Variants in MCM10 observed in about 807,000 individuals in gnomAD.
MCM10 encodes the protein protein MCM10 homolog.
In MCM10, 91 loss-of-function variants were observed where a neutral mutation model predicts 109.9. The observed-to-expected ratio is 0.83, with a 90% CI of 0.70 to 0.99. MCM10 has a LOEUF of 0.99. Ranked by LOEUF, MCM10 falls within the 50% of genes least tolerant of loss-of-function variation. MCM10 has a pLI of 0.00. For missense variants in MCM10, 1,077 were observed against 1,061.2 expected (o/e 1.01, Z -0.21); for synonymous variants, 380 against 387.2 (o/e 0.98, Z 0.22).
In MCM10 at chr10:13,197,653, G is replaced by A. The variant is rs1834439320; in HGVS notation, c.2005G>A (p.Gly669Ser). The A allele has an allele frequency of 1.7e-5, 27 of 1,613,854 alleles. No homozygotes were observed. The highest frequency in any genetic ancestry group is 2.3e-5 in the Non-Finnish European group (27 of 1,179,934). ...LAAITKLRAK[G>S]QVLTKTNPNS... is the part of the protein sequence containing the mutation. ...TGCTATCACCAAATTAAGGGCAAAAGGCCAGGTTCTTACAAAAACAAACCC... is the reference window on the plus strand; with the variant it reads ...TGCTATCACCAAATTAAGGGCAAAAAGCCAGGTTCTTACAAAAACAAACCC... Residue 669 changes from glycine (G) to serine (S), a missense_variant, in exon 15 of 20, where the codon GGC (glycine) becomes AGC (serine). Gly to Ser is a moderately conservative substitution (Grantham distance 56). Transcript: ENST00000378714.
intron 2 of MCM10, 151 bp downstream of exon 2, chr10:13,164,360 A>G (rs957946528): frequency 1.7e-6 from 1 of 604,546 alleles, no homozygotes; most frequent in African/African-American, 1.9e-5. Flanking sequence ...CACATCTCAC[A>G]GAGGTCACTG....
At position 13,172,662 on chromosome 10, in the gene MCM10, A is replaced by C; in HGVS notation, c.489A>C (p.Arg163Ser). ...CCCGGCCACCTCTTAAGGAGAGGAG[A>C]GTTCAGAGAATTCAGGAGTCAACAT... ...KSPRPPLKER[R>S]VQRIQESTCF... The change falls in exon 5 of 20, where the codon AGA becomes AGC. Residue 163 changes from arginine (R) to serine (S), a missense_variant. Transcript: ENST00000378714. The surrounding 1 kb of genome is among the most constrained non-coding windows in gnomAD (Gnocchi z 5.2). The C allele has an allele frequency of 6.2e-7, 1 of 1,614,136 alleles. No individual in the cohort carries two copies. Among genetic ancestry groups the C allele is most frequent in the Non-Finnish European group, 8.5e-7 (1 of 1,180,008 alleles).
rs1834637339 is a variant in MCM10 at position 13,209,996 on chromosome 10, C to T, written c.*686C>T. On this transcript the variant is annotated 3_prime_UTR_variant, in exon 20 of 20. Coordinates refer to ENST00000378714, the MANE Select transcript of MCM10 (RefSeq NM_018518.5). ...TATAGAGAGAAAGAAGGTGTCTGCT[C>T]TTACATTATTGTGGAGCCCTGTGAT... The T allele has an allele frequency of 1.3e-5, 2 of 151,946 alleles. No homozygotes were observed. The highest frequency in any genetic ancestry group is 2.4e-5 in the African/African-American group (1 of 41,350). 9.4% of individuals were successfully genotyped at this position (151,946 alleles called of 1,614,324 possible). A position where few individuals can be genotyped will look rare whatever the true frequency, so the allele number is the denominator to read the frequency against.
intron 2 of MCM10, among the ~76,000 whole-genome samples, chr10:13,165,602 C>T (rs745798553): frequency 2.0e-5 from 3 of 152,052 alleles, no homozygotes; most frequent in African/African-American, 2.4e-5. Flanking sequence ...AGGCTGGGTG[C>T]GGTGGCTCAT....
At position 13,182,929 on chromosome 10, in the gene MCM10, C is replaced by T. The variant is rs760833663; in HGVS notation, c.931-4C>T. 3.7e-6 allele frequency: 6 copies of T among 1,608,460 alleles called. No individual in the cohort carries two copies. The East Asian group carries it at 1.3e-4, about 36-fold the overall frequency. Reference sequence around the variant, plus strand: ...AAATTATAAAAAATAACTATTTGTTCCAGGGAAAAACCTTCAGCATATGGA... The same window carrying T: ...AAATTATAAAAAATAACTATTTGTTTCAGGGAAAAACCTTCAGCATATGGA... On this transcript the variant is annotated splice_polypyrimidine_tract_variant and splice_region_variant and intron_variant, in intron 7 of 19. Transcript: ENST00000378714. This position sits in a 1 kb window ranked among gnomAD's most constrained non-coding sequence, Gnocchi z 4.2.
intron 13 of MCM10, among the ~76,000 whole-genome samples, chr10:13,193,866 G>A (rs994787270): frequency 3.3e-5 from 5 of 152,118 alleles, no homozygotes; most frequent in East Asian, 1.9e-4. Flanking sequence ...TTATCTTTGC[G>A]TAGGATTTGA....
intron 8 of MCM10, among the ~76,000 whole-genome samples, chr10:13,184,822 C>T (rs1410385713): frequency 1.3e-5 from 2 of 152,192 alleles, no homozygotes; most frequent in South Asian, 2.1e-4. Flanking sequence ...CTAGCCATCA[C>T]TGTGAATTGG....
At chr10:13,207,706 G>T (rs150262860) in intron 18 of MCM10, among the ~76,000 whole-genome samples, 1 of 152,124 alleles carries the variant, frequency 6.6e-6, no homozygotes, top group Non-Finnish European at 1.5e-5. Context: ...CTTGCCTGCC[G>T]CCATGTAAGA....
intron 6 of MCM10, 96 bp from the exon 7 acceptor site, chr10:13,180,346 A>C (rs1834194070): frequency 1.0e-6 from 1 of 986,722 alleles, no homozygotes; most frequent in Admixed American, 2.8e-5. Context: ...GGTACTGTAG[A>C]GGTTTCTGAC....
Position 13,197,699 on chromosome 10 carries a change from A to C in MCM10, c.2051A>C (p.Gln684Pro). Residue 684 changes from glutamine (Q) to proline (P), a missense_variant, in exon 15 of 20, where the codon CAA becomes CCA. Coordinates refer to ENST00000378714, the MANE Select transcript of MCM10 (RefSeq NM_018518.5). ...KTNPNSIKKK[Q>P]KDPQDILEVK... ...AACCCAAACAGCATTAAGAAGAAAC[A>C]AAAGGACCCTCAGGACATCCTGGAG... is the stretch of plus-strand genomic sequence containing the variant. 1 of 1,614,080 alleles carries C rather than the reference A, an allele frequency of 6.2e-7. No individual in the cohort carries two copies. Among genetic ancestry groups the C allele is most frequent in the Non-Finnish European group, 8.5e-7 (1 of 1,179,974 alleles).
chr10:13,203,742 T>C (rs551721838), intron 17 of MCM10, among the ~76,000 whole-genome samples: 7 of 152,332 alleles, frequency 4.6e-5, no homozygotes, highest in African/African-American at 1.7e-4. Flanking sequence ...TGTCTTGGCT[T>C]TGCTGCTAAT....
intron 2 of MCM10, among the ~76,000 whole-genome samples, chr10:13,166,680 AT>A (rs1834005136): frequency 1.5e-5 from 2 of 133,318 alleles, no homozygotes; most frequent in Non-Finnish European, 3.4e-5. Flanking sequence ...ATATATATAT[AT>A]ATATATATCA....
At chr10:13,168,338 A>G (rs917577627) in intron 2 of MCM10, among the ~76,000 whole-genome samples, 1 of 152,192 alleles carries the variant, frequency 6.6e-6, no homozygotes, top group African/African-American at 2.4e-5. Context: ...CCATCATCAG[A>G]TTCTAGGCCT....
At chr10:13,193,686 G>A (rs1424448884) in intron 13 of MCM10, among the ~76,000 whole-genome samples, 4 of 152,118 alleles carry the variant, frequency 2.6e-5, no homozygotes, top group African/African-American at 4.8e-5. Flanking sequence ...TTGAAGTGCC[G>A]GTGGGATATC....
chr10:13,165,049 T>C (rs561716028), intron 2 of MCM10, among the ~76,000 whole-genome samples: 16 of 152,286 alleles, frequency 1.1e-4, no homozygotes, highest in Middle Eastern at 3.4e-3. Flanking sequence ...TGATGCACAG[T>C]GGACCCCCGT....
chr10:13,165,279 A>G (rs1833980803), intron 2 of MCM10, among the ~76,000 whole-genome samples: 1 of 152,222 alleles, frequency 6.6e-6, no homozygotes, highest in African/African-American at 2.4e-5. Context: ...TCTCTAAAGT[A>G]TCTATTGCAC....
At chr10:13,197,523 A>G in intron 14 of MCM10, 100 bp from the exon 15 acceptor site, 1 of 1,047,298 alleles carries the variant, frequency 9.5e-7, no homozygotes, top group Non-Finnish European at 1.4e-6. Context: ...GTCAGAGAAC[A>G]GCCAGAATTC....
At chr10:13,176,272 A>T (rs1178845396) in intron 6 of MCM10, among the ~76,000 whole-genome samples, 2 of 152,228 alleles carry the variant, frequency 1.3e-5, no homozygotes, top group Non-Finnish European at 2.9e-5. Context: ...GCCTGTTATA[A>T]TAGGAATATA....
intron 14 of MCM10, among the ~76,000 whole-genome samples, chr10:13,196,394 G>C (rs1477464712): frequency 6.6e-6 from 1 of 152,102 alleles, no homozygotes; most frequent in Non-Finnish European, 1.5e-5. Flanking sequence ...CTTGCTGTAT[G>C]CCAAAACCTT....
Sources: gnomAD v4.1 joint callset for allele counts (sites outside exome capture counted in the v4.1 genomes callset) on GRCh38, gnomAD v4.1.1 for gene constraint, Gnocchi (gnomAD v3.1) non-coding constraint, MANE v1.5 for transcripts, NCBI Gene and HGNC (gene_info 2026-07-23, HGNC 2026-07-21) for gene names.